Variants in ACTG2 observed in about 807,000 individuals in gnomAD.
ACTG2 encodes actin, gamma-enteric smooth muscle.
Under a neutral mutation model 37.6 loss-of-function variants are expected in ACTG2, and 16 were observed. The observed-to-expected ratio is 0.43, with a 90% CI of 0.29 to 0.65. The LOEUF (loss-of-function observed/expected upper bound fraction) is 0.65, where lower values mean the gene tolerates loss of function less well. ACTG2 is among the 30% of genes least tolerant of loss of function. ACTG2 has a pLI of 0.18. For missense variants in ACTG2, 238 were observed against 490.9 expected, an observed-to-expected ratio of 0.48 and a Z score of 4.87; for synonymous variants, 181 against 179.9, an observed-to-expected ratio of 1.01 and a Z score of -0.05.
intron 1 of ACTG2, among the ~76,000 whole-genome samples, chr2:73,900,304 G>A (rs889755202): frequency 6.6e-6 from 1 of 152,270 alleles, no homozygotes; most frequent in East Asian, 1.9e-4. Flanking sequence ...ACTGTCTTCC[G>A]AGGCTCTGTT....
chr2:73,913,664 T>G lies in ACTG2; in HGVS notation c.613+18T>G, dbSNP rs778118603. 21 of 1,593,238 alleles carry G rather than the reference T, an allele frequency of 1.3e-5. 1 individual carries two copies. The South Asian group carries it at 2.2e-4, about 17-fold the overall frequency. ...GACCACAGGTATCCAGCCCCTTTTC[T>G]GATTCTGACTGGAGCTCAGAACCAA... On this transcript the variant is annotated intron_variant, in intron 6 of 8. Coordinates refer to ENST00000345517, the MANE Select transcript of ACTG2 (RefSeq NM_001615.4).
intron 1 of ACTG2, 113 bp from the exon 2 acceptor site, chr2:73,901,163 C>T (rs904387405): frequency 1.2e-6 from 1 of 847,326 alleles, no homozygotes; most frequent in Non-Finnish European, 1.7e-6. Context: ...CATGCCTGTC[C>T]CTCCTGGAAG....
chr2:73,905,212 C>T (rs1324492868), intron 3 of ACTG2, among the ~76,000 whole-genome samples: 2 of 151,626 alleles, frequency 1.3e-5, no homozygotes, highest in Non-Finnish European at 2.9e-5. Flanking sequence ...AAACACATGT[C>T]AATTAAATAT....
chr2:73,909,616 C>T (rs1680086630), intron 5 of ACTG2, among the ~76,000 whole-genome samples: 1 of 152,214 alleles, frequency 6.6e-6, no homozygotes, highest in South Asian at 2.1e-4. Context: ...TGGCCTATTG[C>T]TTCCAGGCTA....
At chr2:73,906,588 C>G (rs1390330106) in intron 3 of ACTG2, among the ~76,000 whole-genome samples, 1 of 152,050 alleles carries the variant, frequency 6.6e-6, no homozygotes, top group Non-Finnish European at 1.5e-5. Context: ...TCAAGGAATC[C>G]TCTTGCCTCT....
Position 73,902,310 on chromosome 2 carries a change from G to T in ACTG2, c.127-50G>T, listed in dbSNP as rs375819749. On this transcript the variant is annotated intron_variant, in intron 2 of 8. Transcript: ENST00000345517. ...GACCTTCCAGTGCCTGAATCCCTCT[G>T]TGTGGAGCCCTCAGCCATTCATTTC... 21 of 1,601,430 alleles carry T rather than the reference G, an allele frequency of 1.3e-5. No homozygotes were observed. In the African/African-American group the frequency reaches 2.8e-4, roughly 21 times the overall value.
intron 5 of ACTG2, among the ~76,000 whole-genome samples, chr2:73,910,883 C>A (rs1456534580): frequency 6.6e-6 from 1 of 151,862 alleles, no homozygotes; most frequent in East Asian, 1.9e-4. Context: ...TCATTTATAT[C>A]CTTTATTCTA....
intron 6 of ACTG2, among the ~76,000 whole-genome samples, 200 bp from the exon 7 acceptor site, chr2:73,914,480 A>G (rs1231854501): frequency 6.7e-6 from 1 of 150,224 alleles, no homozygotes; most frequent in African/African-American, 2.5e-5. Flanking sequence ...AATTGCTTGA[A>G]CTCAGGAGGT....
chr2:73,906,502 C>T (rs894723490), intron 3 of ACTG2, among the ~76,000 whole-genome samples: 2 of 142,378 alleles, frequency 1.4e-5, no homozygotes, highest in Admixed American at 1.4e-4. Context: ...AAATTTTGAG[C>T]TAGGATCTTC....
chr2:73,913,416 C>A, intron 5 of ACTG2, 69 bp from the exon 6 acceptor site: 1 of 1,386,986 alleles, frequency 7.2e-7, no homozygotes, highest in Non-Finnish European at 9.6e-7. Flanking sequence ...TCATTGGTAA[C>A]AGTCCTAGAA....
At chr2:73,916,251 T>C (rs1726026) in intron 7 of ACTG2, among the ~76,000 whole-genome samples, 79,670 of 151,568 alleles carry the variant, frequency 0.53, 22,573 homozygotes, top group Non-Finnish European at 0.62. Flanking sequence ...TGGCATGTGC[T>C]TGTAATCCCA....
intron 8 of ACTG2, among the ~76,000 whole-genome samples, chr2:73,918,107 G>A (rs184906688): frequency 1.3e-5 from 2 of 152,276 alleles, no homozygotes; most frequent in East Asian, 3.9e-4. Flanking sequence ...AAATAAAAGC[G>A]GAAGGGAAAG....
rs201648170 is a variant in ACTG2, at chr2:73,899,452, A to AC, written c.-36-1820dup. ...ACTGCAGCTTGGGTGACAGAGCAAGACCCCATCTCAAAAAATATATATATA... is the reference window on the plus strand; with the variant it reads ...ACTGCAGCTTGGGTGACAGAGCAAGACCCCCATCTCAAAAAATATATATATA... On this transcript the variant is annotated intron_variant, in intron 1 of 8. Transcript: ENST00000345517. Among the ~76,000 whole-genome samples, 701 of 151,924 alleles carry AC rather than the reference A, an allele frequency of 4.6e-3. 9 individuals are homozygous for AC. Among genetic ancestry groups the AC allele is most frequent in the African/African-American group, 0.016 (673 of 41,388 alleles).
chr2:73,912,253 G>A (rs1380426281), intron 5 of ACTG2, among the ~76,000 whole-genome samples: 1 of 152,174 alleles, frequency 6.6e-6, no homozygotes, highest in Non-Finnish European at 1.5e-5. Context: ...CACCTCCCGG[G>A]TTCAAGCGAT....
Position 73,914,858 on chromosome 2 carries a change from G to T in ACTG2, c.792G>T (p.Gln264His). The change falls in exon 7 of 9, where the codon CAG becomes CAT. Residue 264 changes from glutamine to histidine, a missense_variant. By Grantham distance (24) the Gln-to-His change is conservative. Coordinates refer to ENST00000345517, the MANE Select transcript of ACTG2 (RefSeq NM_001615.4). ...ERFRCPETLF[Q>H]PSFIGMESAG... ...TCCGCTGCCCTGAGACCCTCTTCCA[G>T]CCTTCCTTTATTGGTGAGGTGCTGC... is the stretch of plus-strand genomic sequence containing the variant. 1 of 1,584,776 alleles carries T rather than the reference G, an allele frequency of 6.3e-7. No homozygotes were observed. Among genetic ancestry groups the T allele is most frequent in the Non-Finnish European group, 8.6e-7 (1 of 1,160,566 alleles).
At chr2:73,897,697 C>A (rs997499170) in intron 1 of ACTG2, among the ~76,000 whole-genome samples, 5 of 152,164 alleles carry the variant, frequency 3.3e-5, no homozygotes, top group African/African-American at 1.2e-4. Flanking sequence ...TATTTATAAA[C>A]AATGGAAATG....
At chr2:73,902,916 T>C in intron 3 of ACTG2, 2 of 772,362 alleles carry the variant, frequency 2.6e-6, no homozygotes, top group South Asian at 1.9e-5. Flanking sequence ...CTCAGGCCAG[T>C]GCTCACCCCT....
intron 5 of ACTG2, among the ~76,000 whole-genome samples, chr2:73,909,435 A>G (rs966446689): frequency 1.3e-5 from 2 of 152,206 alleles, no homozygotes; most frequent in Admixed American, 6.5e-5. Flanking sequence ...AAGCAGAAAG[A>G]GTAGAACCTG....
At chr2:73,905,045 C>A (rs1445371952) in intron 3 of ACTG2, among the ~76,000 whole-genome samples, 1 of 150,984 alleles carries the variant, frequency 6.6e-6, no homozygotes, top group African/African-American at 2.4e-5. Flanking sequence ...CAATTTGATA[C>A]CAGCAAAAAG....
Sources: gnomAD v4.1 joint callset for allele counts (sites outside exome capture counted in the v4.1 genomes callset) on GRCh38, gnomAD v4.1.1 for gene constraint, MANE v1.5 for transcripts, NCBI Gene and HGNC (gene_info 2026-07-23, HGNC 2026-07-21) for gene names.